TRIM38: variants seen among roughly 807,000 people sequenced by gnomAD.
TRIM38 encodes E3 ubiquitin-protein ligase TRIM38.
A neutral mutation model predicts 35.8 loss-of-function variants in TRIM38; 35 were observed. That is an observed-to-expected ratio of 0.98 (90% CI 0.75 to 1.30). The LOEUF (loss-of-function observed/expected upper bound fraction) is 1.30, where lower values mean the gene tolerates loss of function less well. TRIM38 is among the 50% of genes most tolerant of loss of function. The probability of loss-of-function intolerance (pLI) is 0.00; values close to 1 mark genes in which losing one functional copy is unlikely to be tolerated. For synonymous variants in TRIM38, 198 were observed against 204.7 expected (o/e 0.97, Z 0.28); for missense variants, 545 against 556.9 (o/e 0.98, Z 0.21).
rs201232669 is a variant in TRIM38 at position 25,966,644 on chromosome 6, C to T, written c.122C>T (p.Thr41Ile). 100 of 1,614,190 alleles carry T rather than the reference C, an allele frequency of 6.2e-5. No individual in the cohort carries two copies. The East Asian group carries it at 1.7e-3, about 28-fold the overall frequency. ...CGHSYCHLCITDFFKNPSQKQ... is the reference protein window; with the variant it reads ...CGHSYCHLCIIDFFKNPSQKQ... ...CACAGCTACTGCCACTTGTGTATAA[C>T]AGACTTCTTTAAAAACCCAAGCCAA... Residue 41 changes from threonine (T) to isoleucine (I), a missense_variant, in exon 3 of 8, where the codon ACA (threonine) becomes ATA (isoleucine). Physicochemically the swap from Thr to Ile is moderately conservative, Grantham distance 89 (BLOSUM62 -1). Coordinates refer to ENST00000357085, the MANE Select transcript of TRIM38 (RefSeq NM_006355.5).
At position 25,983,444 on chromosome 6, in the gene TRIM38, C is replaced by T; in HGVS notation, c.1155C>T (p.Leu385=). 1 of 1,614,150 alleles carries T rather than the reference C, an allele frequency of 6.2e-7. No homozygotes were observed. The highest frequency in any genetic ancestry group is 8.5e-7 in the Non-Finnish European group (1 of 1,180,032). The change falls in exon 8 of 8, where the codon CTC becomes CTT. Residue 385 remains leucine, a synonymous_variant. Coordinates refer to ENST00000357085, the MANE Select transcript of TRIM38 (RefSeq NM_006355.5). ...KQEPQSGFWT[L]RLCKKKGYVA... is the part of the protein sequence containing the mutation. ...AGCCTCAGTCTGGATTCTGGACCCT[C>T]AGGCTGTGCAAAAAGAAAGGCTATG...
Position 25,983,356 on chromosome 6 carries a change from G to C in TRIM38, c.1067G>C (p.Gly356Ala). The change falls in exon 8 of 8, where the codon GGA becomes GCA. Residue 356 changes from glycine to alanine, a missense_variant. Transcript: ENST00000357085. ...RRYFEVDVGE[G>A]TGWDLGVCME... ...TACTTTGAAGTGGATGTTGGCGAAG[G>C]AACCGGATGGGATTTAGGAGTTTGT... The C allele has an allele frequency of 2.5e-6, 4 of 1,614,080 alleles. No homozygotes were observed. Among genetic ancestry groups the C allele is most frequent in the Non-Finnish European group, 3.4e-6 (4 of 1,180,008 alleles).
chr6:25,966,442 G>A lies in TRIM38; in HGVS notation c.-81G>A, dbSNP rs539249326. 2.8e-6 allele frequency: 4 copies of A among 1,417,976 alleles called. No individual in the cohort carries two copies. The highest frequency in any genetic ancestry group is 2.9e-5 in the South Asian group (2 of 70,028). 87.8% of individuals were successfully genotyped at this position (1,417,976 alleles called of 1,614,324 possible). On this transcript the variant is annotated 5_prime_UTR_variant, in exon 3 of 8. In the 5' UTR this introduces an upstream ATG that the reference lacks. Coordinates refer to ENST00000357085, the MANE Select transcript of TRIM38 (RefSeq NM_006355.5). ...CTCATCACATAGAGGTGCAGGTGAG[G>A]TGTATTTTCATCACGGTGGAAAATT...
At chr6:25,972,705 G>A (rs1760275942) in intron 5 of TRIM38, among the ~76,000 whole-genome samples, 1 of 152,164 alleles carries the variant, frequency 6.6e-6, no homozygotes. Context: ...TCTAATCTGG[G>A]CTCACTGTGA....
intron 2 of TRIM38, among the ~76,000 whole-genome samples, chr6:25,964,784 A>G (rs1053709642): frequency 6.6e-6 from 1 of 151,514 alleles, no homozygotes; most frequent in African/African-American, 2.4e-5. Context: ...GTTACTACTA[A>G]TTACAAAGAG....
At chr6:25,975,270 C>T (rs561491548) in intron 7 of TRIM38, 9 of 383,314 alleles carry the variant, frequency 2.3e-5, no homozygotes, top group Non-Finnish European at 3.2e-5. Context: ...CTTGCAGTGC[C>T]GCAATCTCAG....
chr6:25,981,420 A>G (rs199757), intron 7 of TRIM38, among the ~76,000 whole-genome samples: 5,154 of 152,338 alleles, frequency 0.034, 320 homozygotes, highest in African/African-American at 0.11. Flanking sequence ...TGAATACTTG[A>G]ATTCCTTAAT....
chr6:25,964,498 T>C (rs1759955901), intron 2 of TRIM38, among the ~76,000 whole-genome samples: 1 of 152,202 alleles, frequency 6.6e-6, no homozygotes, highest in Non-Finnish European at 1.5e-5. Context: ...AGACAGACAT[T>C]ATTTTGTGAA....
chr6:25,964,630 TA>T (rs1213963739), intron 2 of TRIM38, among the ~76,000 whole-genome samples: 3 of 152,086 alleles, frequency 2.0e-5, no homozygotes, highest in Non-Finnish European at 4.4e-5. Flanking sequence ...TTTATGTAGA[TA>T]GGGGAAAAGT....
chr6:25,973,355 C>T, intron 7 of TRIM38, 70 bp downstream of exon 7: 1 of 1,567,286 alleles, frequency 6.4e-7, no homozygotes, highest in Non-Finnish European at 8.7e-7. Flanking sequence ...AGTTTACCAC[C>T]TGTCCCTTGG....
At chr6:25,968,277 A>G (rs1474866692) in intron 3 of TRIM38, among the ~76,000 whole-genome samples, 1 of 152,182 alleles carries the variant, frequency 6.6e-6, no homozygotes, top group Non-Finnish European at 1.5e-5. Context: ...AACTGCGATG[A>G]TCATATTCCC....
At chr6:25,978,018 C>T (rs1760447248) in intron 7 of TRIM38, among the ~76,000 whole-genome samples, 1 of 152,036 alleles carries the variant, frequency 6.6e-6, no homozygotes, top group South Asian at 2.1e-4. Flanking sequence ...CCACCAGTGT[C>T]TTCATAATAT....
Position 25,987,427 on chromosome 6 carries a change from G to C in TRIM38, c.*3740G>C, listed in dbSNP as rs182099061. 6.6e-6 allele frequency: 1 copy of C among 152,264 alleles called. No homozygotes were observed. The highest frequency in any genetic ancestry group is 1.5e-5 in the Non-Finnish European group (1 of 68,020). The allele number at this position is 152,264 out of a possible 1,614,324, so 9.4% of individuals were successfully genotyped here. ...TCTTCACATGGCAAAGAGAGAGCTA[G>C]CTTTCTGGTCTTTTCTTATAAGGGA... On this transcript the variant is annotated 3_prime_UTR_variant, in exon 8 of 8. Coordinates refer to ENST00000357085, the MANE Select transcript of TRIM38 (RefSeq NM_006355.5).
chr6:25,973,668 G>A, intron 7 of TRIM38: 1 of 985,358 alleles, frequency 1.0e-6, no homozygotes, highest in Non-Finnish European at 1.2e-6. Flanking sequence ...AGCACATCAT[G>A]GTATTAGATC....
chr6:25,966,944 G>C lies in TRIM38; in HGVS notation c.411+11G>C. ...TGCCAGGGCTACAAGGTGAGTGTGT[G>C]GGCCCGGGAGCTTTGGTAAGTACCA... On this transcript the variant is annotated intron_variant, in intron 3 of 7. Transcript: ENST00000357085. The C allele has an allele frequency of 1.3e-6, 2 of 1,587,064 alleles. No individual in the cohort carries two copies. The highest frequency in any genetic ancestry group is 2.7e-5 in the African/African-American group (2 of 74,452).
At chr6:25,965,876 C>T (rs964840522) in intron 2 of TRIM38, among the ~76,000 whole-genome samples, 35 of 150,662 alleles carry the variant, frequency 2.3e-4, no homozygotes, top group African/African-American at 8.1e-4. Flanking sequence ...GCCGAGATAG[C>T]GTCACTGCAC....
rs1341297052 is a variant in TRIM38 at position 25,963,174 on chromosome 6, C to G, written c.-297C>G. 1 of 152,316 alleles carries G rather than the reference C, an allele frequency of 6.6e-6. No individual in the cohort carries two copies. Among genetic ancestry groups the G allele is most frequent in the East Asian group, 1.9e-4 (1 of 5,330 alleles). The allele number at this position is 152,316 out of a possible 1,614,324, so 9.4% of individuals were successfully genotyped here. The stretch of plus-strand genomic sequence containing the variant: ...AGCAGTGACCCCAGCAGAGAGGGGC[C>G]TGGTGTATCACTGGAGGAAATAGCC... On this transcript the variant is annotated 5_prime_UTR_variant, in exon 2 of 8. Transcript: ENST00000357085.
rs1207568939 is a variant in TRIM38, at chr6:25,989,667, T to C, written c.*5980T>C. 1.3e-5 allele frequency: 2 copies of C among 152,176 alleles called. No homozygotes were observed. The highest frequency in any genetic ancestry group is 3.9e-4 in the East Asian group (2 of 5,172). The allele number at this position is 152,176 out of a possible 1,614,324, so 9.4% of individuals were successfully genotyped here. A position where few individuals can be genotyped will look rare whatever the true frequency, so the allele number is the denominator to read the frequency against. On this transcript the variant is annotated 3_prime_UTR_variant, in exon 8 of 8. Coordinates refer to ENST00000357085, the MANE Select transcript of TRIM38 (RefSeq NM_006355.5). ...CCACGCTCAGCCATCTGGTATTCTT[T>C]AGCAACTGTTTGGTAACTTAATCTT... is the stretch of plus-strand genomic sequence containing the variant.
chr6:25,974,255 G>C (rs1760327431), intron 7 of TRIM38, among the ~76,000 whole-genome samples: 1 of 152,168 alleles, frequency 6.6e-6, no homozygotes, highest in African/African-American at 2.4e-5. Flanking sequence ...GATGGTTGCA[G>C]GACTTTGGCC....
Sources: gnomAD v4.1 joint callset for allele counts (sites outside exome capture counted in the v4.1 genomes callset) on GRCh38, gnomAD v4.1.1 for gene constraint, MANE v1.5 for transcripts, NCBI Gene and HGNC (gene_info 2026-07-23, HGNC 2026-07-21) for gene names.